The following VPS13B variants were observed in gnomAD, a reference collection of about 807,000 sequenced individuals.
VPS13B encodes the protein intermembrane lipid transfer protein VPS13B.
A neutral mutation model predicts 426.4 loss-of-function variants in VPS13B; 285 were observed. The observed-to-expected ratio is 0.67, with a 90% CI of 0.61 to 0.74. The LOEUF (loss-of-function observed/expected upper bound fraction) is 0.74, where lower values mean the gene tolerates loss of function less well. VPS13B is among the 30% of genes least tolerant of loss of function. VPS13B has a pLI of 0.00. For synonymous variants in VPS13B, 1,676 were observed against 1,676.4 expected, an observed-to-expected ratio of 1.00 and a Z score of 0.01; for missense variants, 4,537 against 4,782.6, an observed-to-expected ratio of 0.95 and a Z score of 1.51.
chr8:99,590,350 A>G (rs906076619), intron 33 of VPS13B, among the ~76,000 whole-genome samples: 7 of 151,710 alleles, frequency 4.6e-5, no homozygotes, highest in African/African-American at 1.7e-4. Context: ...TTCTGCTCTG[A>G]TCTTAGTTGT....
intron 30 of VPS13B, among the ~76,000 whole-genome samples, chr8:99,540,486 G>A (rs1823556915): frequency 6.6e-6 from 1 of 152,070 alleles, no homozygotes; most frequent in African/African-American, 2.4e-5. Flanking sequence ...CTCTTTCACA[G>A]CTAGCTGTTT....
At chr8:99,271,172 T>TTGC (rs545834720) in intron 17 of VPS13B, among the ~76,000 whole-genome samples, 10 of 150,734 alleles carry the variant, frequency 6.6e-5, no homozygotes, top group Admixed American at 2.7e-4. Flanking sequence ...GCTGCTTTTA[T>TTGC]TGCTGCTGCT....
intron 36 of VPS13B, among the ~76,000 whole-genome samples, chr8:99,710,809 G>T (rs1482509167): frequency 6.8e-6 from 1 of 146,868 alleles, no homozygotes; most frequent in Non-Finnish European, 1.5e-5. Flanking sequence ...GACCAATGTG[G>T]TGAAATCCTG....
chr8:99,672,051 G>A (rs1175233943), intron 35 of VPS13B, among the ~76,000 whole-genome samples: 4 of 152,136 alleles, frequency 2.6e-5, no homozygotes, highest in African/African-American at 7.2e-5. Context: ...AAGTCAGACA[G>A]TGTGATGCTT....
rs757648498 is a variant in VPS13B at position 99,853,712 on chromosome 8, T to C, written c.10323T>C (p.Phe3441=). Residue 3441 remains phenylalanine, a synonymous_variant, in exon 56 of 62, where the codon TTT becomes TTC. Coordinates refer to ENST00000357162, the MANE Select transcript of VPS13B (RefSeq NM_152564.5). ...TTTATAACAAGTCCAATTTCCACTT[T>C]GCTGTCTTAGTCTGCCAGGGAGAAA... is the stretch of plus-strand genomic sequence containing the variant. The part of the protein sequence containing the change: ...NQLYNKSNFH[F]AVLVCQGEKA... 1 of 1,614,262 alleles carries C rather than the reference T, an allele frequency of 6.2e-7. No homozygotes were observed. The highest frequency in any genetic ancestry group is 1.6e-4 in the Middle Eastern group (1 of 6,062).
Position 99,147,999 on chromosome 8 carries a change from A to G in VPS13B, c.2002A>G (p.Met668Val). 1 of 1,609,586 alleles carries G rather than the reference A, an allele frequency of 6.2e-7. No individual in the cohort carries two copies. Among genetic ancestry groups the G allele is most frequent in the Non-Finnish European group, 8.5e-7 (1 of 1,177,562 alleles). ...GCTGGACCATTTACTACCTGTCATT[A>G]TGGGAGAAAAGGTATATTTTGTGAT... is the stretch of plus-strand genomic sequence containing the variant. ...NLLDHLLPVI[M>V]GEKNSSNFMN... The change falls in exon 14 of 62, where the codon ATG becomes GTG. Residue 668 changes from methionine to valine, a missense_variant. Transcript: ENST00000357162.
chr8:99,773,325 G>A, intron 40 of VPS13B, among the ~76,000 whole-genome samples: 1 of 152,266 alleles, frequency 6.6e-6, no homozygotes, highest in Non-Finnish European at 1.5e-5. Flanking sequence ...GCAAGGAGGA[G>A]CAAGTCATGT....
In VPS13B at chr8:99,699,536, T is replaced by A; in HGVS notation, c.6058T>A (p.Leu2020Met). 6.2e-7 allele frequency: 1 copy of A among 1,613,640 alleles called. No individual in the cohort carries two copies. Among genetic ancestry groups the A allele is most frequent in the Non-Finnish European group, 8.5e-7 (1 of 1,179,980 alleles). The change falls in exon 36 of 62, where the codon TTG (leucine) becomes ATG (methionine). Residue 2020 changes from leucine to methionine, a missense_variant. Leu to Met is a conservative substitution (Grantham distance 15). Coordinates refer to ENST00000357162, the MANE Select transcript of VPS13B (RefSeq NM_152564.5). The stretch of plus-strand genomic sequence containing the variant: ...TTTTACTTCTATAGCGGATGTCAAT[T>A]TGGATATATCAAAGCCTTTGAAAGC... ...DFLNGPADVNLDISKPLKANL... is the reference protein window; with the variant it reads ...DFLNGPADVNMDISKPLKANL...
intron 17 of VPS13B, among the ~76,000 whole-genome samples, chr8:99,229,549 A>G (rs1816208540): frequency 6.6e-6 from 1 of 152,176 alleles, no homozygotes; most frequent in South Asian, 2.1e-4. Flanking sequence ...AGGGCTGGGT[A>G]TGGGTGATAG....
intron 19 of VPS13B, among the ~76,000 whole-genome samples, chr8:99,290,552 G>T (rs1819672349): frequency 6.6e-6 from 1 of 151,638 alleles, no homozygotes; most frequent in African/African-American, 2.4e-5. Flanking sequence ...TATACCTAAT[G>T]TAAATGACGA....
At chr8:99,753,530 G>C (rs1018581981) in intron 39 of VPS13B, among the ~76,000 whole-genome samples, 1 of 152,134 alleles carries the variant, frequency 6.6e-6, no homozygotes, top group Admixed American at 6.5e-5. Context: ...CCTGCTCTAA[G>C]TTTTAACTCA....
chr8:99,560,365 C>G lies in VPS13B; in HGVS notation c.4949+3712C>G, dbSNP rs955208486. On this transcript the variant is annotated intron_variant, in intron 31 of 61. Coordinates refer to ENST00000357162, the MANE Select transcript of VPS13B (RefSeq NM_152564.5). ...ATGGTAGACGTGTTTTCTAGGAAGC[C>G]TTCCCTGAGCCTGTCAGAAGACCAA... 2.0e-5 allele frequency among the ~76,000 whole-genome samples: 3 copies of G among 152,018 alleles called. No individual in the cohort carries two copies. The East Asian group carries it at 5.8e-4, about 29-fold the overall frequency.
At chr8:99,167,400 T>A (rs929790697) in intron 15 of VPS13B, among the ~76,000 whole-genome samples, 2 of 152,106 alleles carry the variant, frequency 1.3e-5, no homozygotes, top group African/African-American at 4.8e-5. Context: ...TTATGTGTTT[T>A]ATACTATTAT....
chr8:99,818,979 G>A, intron 47 of VPS13B, 91 bp downstream of exon 47: 2 of 839,428 alleles, frequency 2.4e-6, no homozygotes, highest in Non-Finnish European at 3.8e-6. Flanking sequence ...CGGGGGAGGG[G>A]TGGGTAGGGA....
intron 3 of VPS13B, among the ~76,000 whole-genome samples, chr8:99,087,547 C>G (rs1050165253): frequency 6.6e-6 from 1 of 151,426 alleles, no homozygotes; most frequent in African/African-American, 2.4e-5. Flanking sequence ...TTCTGCATCG[C>G]TCATGTTGGG....
Position 99,136,758 on chromosome 8 carries a change from G to T in VPS13B, c.1651+6G>T. 6.2e-7 allele frequency: 1 copy of T among 1,613,202 alleles called. No homozygotes were observed. Among genetic ancestry groups the T allele is most frequent in the Non-Finnish European group, 8.5e-7 (1 of 1,179,410 alleles). ...GGAGAACACTAGTGGCAAAGGTATT[G>T]GCTTCTTTCCTTTATGTGTGCCATT... On this transcript the variant is annotated splice_donor_region_variant and intron_variant, in intron 12 of 61. Transcript: ENST00000357162.
chr8:99,703,169 G>A (rs1370024193), intron 36 of VPS13B, among the ~76,000 whole-genome samples: 1 of 152,122 alleles, frequency 6.6e-6, no homozygotes, highest in Non-Finnish European at 1.5e-5. Context: ...ATTATTGACT[G>A]AAGCAGTTAA....
intron 33 of VPS13B, among the ~76,000 whole-genome samples, chr8:99,622,703 C>T (rs920589606): frequency 3.9e-5 from 6 of 152,130 alleles, no homozygotes; most frequent in Non-Finnish European, 8.8e-5. Context: ...TCCCTTTCTC[C>T]AATCCTACCG....
At position 99,776,974 on chromosome 8, in the gene VPS13B, A is replaced by G. The variant is rs374929892; in HGVS notation, c.7429+18A>G. 2.5e-6 allele frequency: 4 copies of G among 1,610,852 alleles called. No homozygotes were observed. The East Asian group carries it at 8.9e-5, about 36-fold the overall frequency. On this transcript the variant is annotated intron_variant, in intron 41 of 61. Transcript: ENST00000357162. Reference sequence around the variant, plus strand: ...AGGCACAGGTACTCTTTTTTTTAGCATCAGAATAACATCCATTTAATACTT... The same window carrying G: ...AGGCACAGGTACTCTTTTTTTTAGCGTCAGAATAACATCCATTTAATACTT...
Sources: gnomAD v4.1 joint callset for allele counts (sites outside exome capture counted in the v4.1 genomes callset) on GRCh38, gnomAD v4.1.1 for gene constraint, MANE v1.5 for transcripts, NCBI Gene and HGNC (gene_info 2026-07-23, HGNC 2026-07-21) for gene names.